PRR16: variants seen among roughly 807,000 people sequenced by gnomAD.
PRR16 encodes proline rich 16.
In PRR16, 6 loss-of-function variants were observed where a neutral mutation model predicts 18.2. The ratio of observed to expected loss-of-function variants is 0.33; its 90% CI spans 0.18 to 0.65. The LOEUF is 0.65. Among genes scored for constraint, PRR16 ranks in the 30% least tolerant of loss-of-function variants. PRR16 has a pLI of 0.74. For missense variants in PRR16, 412 were observed against 376.6 expected, an observed-to-expected ratio of 1.09 and a Z score of -0.78; for synonymous variants, 151 against 147.8, an observed-to-expected ratio of 1.02 and a Z score of -0.16.
chr5:120,541,766 GT>G (rs1751923971), intron 1 of PRR16, among the ~76,000 whole-genome samples: 1 of 152,114 alleles, frequency 6.6e-6, no homozygotes. Context: ...GTTCCTGCCA[GT>G]ATAACTGGGG....
chr5:120,518,470 A>G (rs1751069554), intron 1 of PRR16, among the ~76,000 whole-genome samples: 1 of 152,118 alleles, frequency 6.6e-6, no homozygotes, highest in South Asian at 2.1e-4. Flanking sequence ...ACTGGTACCC[A>G]AATGCATCTT....
At position 120,686,380 on chromosome 5, in the gene PRR16, T is replaced by A; in HGVS notation, c.586T>A (p.Cys196Ser). The A allele has an allele frequency of 6.2e-7, 1 of 1,614,138 alleles. No individual in the cohort carries two copies. The highest frequency in any genetic ancestry group is 8.5e-7 in the Non-Finnish European group (1 of 1,180,006). The part of the protein sequence containing the change: ...LLMHRPEKDR[C>S]PQAGPRERVR... The stretch of plus-strand genomic sequence containing the variant: ...GATGCATAGACCTGAAAAAGACAGA[T>A]GTCCCCAGGCAGGGCCTCGAGAACG... The change falls in exon 2 of 2, where the codon TGT becomes AGT. Residue 196 changes from cysteine to serine, a missense_variant. Physicochemically the swap from Cys to Ser is moderately radical, Grantham distance 112 (BLOSUM62 -1). Coordinates refer to ENST00000407149, the MANE Select transcript of PRR16 (RefSeq NM_001300783.2).
chr5:120,776,195 T>C, the PRR16 span, among the ~76,000 whole-genome samples: 1 of 152,104 alleles, frequency 6.6e-6, no homozygotes, highest in East Asian at 1.9e-4. Context: ...GCCTCAGTGA[T>C]TTTCCCTCCC....
At chr5:120,700,322 C>G in the PRR16 span, among the ~76,000 whole-genome samples, 8 of 151,798 alleles carry the variant, frequency 5.3e-5, no homozygotes, top group Non-Finnish European at 1.0e-4. Flanking sequence ...AAGCGTGCTG[C>G]GGGATGGGAT....
At chr5:120,694,980 T>G in the PRR16 span, among the ~76,000 whole-genome samples, 1 of 152,206 alleles carries the variant, frequency 6.6e-6, no homozygotes, top group Non-Finnish European at 1.5e-5. Flanking sequence ...AAGTTTGTGA[T>G]ATATTTGAAT....
At chr5:120,515,965 T>C (rs1750976213) in intron 1 of PRR16, among the ~76,000 whole-genome samples, 1 of 152,226 alleles carries the variant, frequency 6.6e-6, no homozygotes, top group Non-Finnish European at 1.5e-5. Context: ...CAAATTTAAA[T>C]CTGTAGTGTT....
At chr5:120,688,714 A>G (rs1040590205), downstream of PRR16, among the ~76,000 whole-genome samples, 1 of 152,174 alleles carries the variant, frequency 6.6e-6, no homozygotes, top group African/African-American at 2.4e-5. Flanking sequence ...TAATCACCCT[A>G]TAGTTTAAGA....
At chr5:120,555,125 T>G (rs1487731833) in intron 1 of PRR16, among the ~76,000 whole-genome samples, 2 of 152,012 alleles carry the variant, frequency 1.3e-5, no homozygotes, top group Admixed American at 1.3e-4. Flanking sequence ...ATTAATTTAC[T>G]GAGCAAATTC....
chr5:120,785,091 A>G, the PRR16 span, among the ~76,000 whole-genome samples: 2 of 152,258 alleles, frequency 1.3e-5, no homozygotes, highest in Non-Finnish European at 2.9e-5. Flanking sequence ...ACAATCTCAC[A>G]TGACTACAGT....
At chr5:120,673,434 A>T (rs1756683468) in intron 1 of PRR16, among the ~76,000 whole-genome samples, 1 of 152,242 alleles carries the variant, frequency 6.6e-6, no homozygotes, top group South Asian at 2.1e-4. Context: ...AAAGCACATA[A>T]ACATCTTGTT....
At chr5:120,481,976 A>G (rs1421260630) in intron 1 of PRR16, among the ~76,000 whole-genome samples, 1 of 152,118 alleles carries the variant, frequency 6.6e-6, no homozygotes, top group Non-Finnish European at 1.5e-5. Flanking sequence ...CATAATTTTA[A>G]TGTGTCTTTA....
At chr5:120,636,376 A>G (rs776937917) in intron 1 of PRR16, among the ~76,000 whole-genome samples, 5 of 152,202 alleles carry the variant, frequency 3.3e-5, no homozygotes, top group Non-Finnish European at 5.9e-5. Context: ...ACTTCAAACT[A>G]TACTATGAGG....
intron 1 of PRR16, among the ~76,000 whole-genome samples, chr5:120,655,757 A>C (rs1482896488): frequency 4.7e-5 from 7 of 148,958 alleles, no homozygotes; most frequent in African/African-American, 1.7e-4. Flanking sequence ...TTCTGAATGC[A>C]ACCCATATTT....
downstream of PRR16, among the ~76,000 whole-genome samples, chr5:120,690,866 G>A (rs1294674662): frequency 1.3e-5 from 2 of 151,566 alleles, no homozygotes; most frequent in Admixed American, 1.3e-4. Flanking sequence ...TGATCTACTG[G>A]GGAAAAAAAA....
rs548165551 is a variant in PRR16 at position 120,480,511 on chromosome 5, A to G, written c.159+15866A>G. 2.6e-5 allele frequency among the ~76,000 whole-genome samples: 4 copies of G among 152,328 alleles called. No homozygotes were observed. The South Asian group carries it at 8.3e-4, about 32-fold the overall frequency. ...GTTTTTCTTTTTGTGCTCCCACAGA[A>G]AAAGTGAAGTCATACTTAGTATACT... On this transcript the variant is annotated intron_variant, in intron 1 of 1. Coordinates refer to ENST00000407149, the MANE Select transcript of PRR16 (RefSeq NM_001300783.2).
chr5:120,648,490 T>TAGAA (rs1269606288), intron 1 of PRR16, among the ~76,000 whole-genome samples: 1 of 152,156 alleles, frequency 6.6e-6, no homozygotes, highest in African/African-American at 2.4e-5. Context: ...AAGCTCAGTA[T>TAGAA]AGAAGCTTTC....
chr5:120,494,480 A>T (rs1006971731), intron 1 of PRR16, among the ~76,000 whole-genome samples: 12 of 151,774 alleles, frequency 7.9e-5, no homozygotes, highest in African/African-American at 2.9e-4. Context: ...TTTGCTATTG[A>T]ATTTTGAGGG....
the PRR16 span, among the ~76,000 whole-genome samples, chr5:120,719,911 T>C: frequency 1.3e-5 from 2 of 152,036 alleles, no homozygotes; most frequent in Non-Finnish European, 2.9e-5. Context: ...GTATAACATT[T>C]ATCTAAAATA....
At chr5:120,691,797 C>G (rs966504189), downstream of PRR16, among the ~76,000 whole-genome samples, 2 of 152,174 alleles carry the variant, frequency 1.3e-5, no homozygotes, top group Non-Finnish European at 2.9e-5. Context: ...ACAATGTGTG[C>G]CTCAAGTGGG....
Sources: gnomAD v4.1 joint callset for allele counts (sites outside exome capture counted in the v4.1 genomes callset) on GRCh38, gnomAD v4.1.1 for gene constraint, MANE v1.5 for transcripts, NCBI Gene and HGNC (gene_info 2026-07-23, HGNC 2026-07-21) for gene names.